The following MACROD2 variants were observed in gnomAD, a reference collection of about 807,000 sequenced individuals.
MACROD2 encodes the protein ADP-ribose glycohydrolase MACROD2.
A neutral mutation model predicts 70.4 loss-of-function variants in MACROD2; 36 were observed. The ratio of observed to expected loss-of-function variants is 0.51; its 90% CI spans 0.39 to 0.68. The LOEUF is 0.68. MACROD2 is among the 30% of genes least tolerant of loss of function. The pLI, the probability that MACROD2 is intolerant of heterozygous loss-of-function variation, is 0.00. For missense variants in MACROD2, 496 were observed against 538.4 expected (o/e 0.92, Z 0.78); for synonymous variants, 172 against 178.8 (o/e 0.96, Z 0.30).
chr20:14,455,338 T>C (rs2084289473), intron 3 of MACROD2, among the ~76,000 whole-genome samples: 1 of 151,932 alleles, frequency 6.6e-6, no homozygotes. Context: ...TCAATTCTTA[T>C]TTTATGTATT....
At chr20:14,859,414 A>G (rs1180335155) in intron 5 of MACROD2, among the ~76,000 whole-genome samples, 2 of 152,128 alleles carry the variant, frequency 1.3e-5, no homozygotes, top group African/African-American at 4.8e-5. Flanking sequence ...AGTGCTTAAA[A>G]CAGTGCCTGT....
intron 2 of MACROD2, among the ~76,000 whole-genome samples, chr20:14,035,237 A>G (rs1047788189): frequency 1.3e-5 from 2 of 152,178 alleles, no homozygotes; most frequent in African/African-American, 4.8e-5. Context: ...TCACCAGTAC[A>G]GTGTTAAACA....
intron 8 of MACROD2, among the ~76,000 whole-genome samples, chr20:15,572,766 T>C (rs1235521365): frequency 6.6e-6 from 1 of 152,112 alleles, no homozygotes; most frequent in Non-Finnish European, 1.5e-5. Context: ...ACTGCCAACT[T>C]ACTGAAATTG....
At chr20:15,802,875 A>G (rs2063738513) in intron 8 of MACROD2, among the ~76,000 whole-genome samples, 2 of 152,162 alleles carry the variant, frequency 1.3e-5, no homozygotes, top group Admixed American at 6.5e-5. Context: ...ATCATTAGAA[A>G]TTATTATGAA....
intron 6 of MACROD2, among the ~76,000 whole-genome samples, chr20:15,264,137 G>T (rs1328579862): frequency 2.0e-5 from 3 of 152,134 alleles, no homozygotes; most frequent in Non-Finnish European, 4.4e-5. Context: ...GGCCAATAAG[G>T]TTTCTATCAG....
At chr20:15,970,337 CAAT>C (rs2066211524) in intron 13 of MACROD2, among the ~76,000 whole-genome samples, 1 of 152,128 alleles carries the variant, frequency 6.6e-6, no homozygotes, top group Non-Finnish European at 1.5e-5. Context: ...TCAATACTGA[CAAT>C]GATGTCTTGT....
At chr20:14,305,052 G>A (rs2082508411) in intron 3 of MACROD2, among the ~76,000 whole-genome samples, 2 of 152,126 alleles carry the variant, frequency 1.3e-5, no homozygotes, top group Non-Finnish European at 2.9e-5. Flanking sequence ...CAGAATTTCT[G>A]AAGGGTGGGA....
chr20:15,627,859 C>T lies in MACROD2; in HGVS notation c.645+128012C>T, dbSNP rs569129917. ...AGCCTATTATCATGTAAACTATAAA[C>T]TAAAGTTAGCTTAGCCTAAGACCAG... On this transcript the variant is annotated intron_variant, in intron 8 of 17. Transcript: ENST00000684519. Among the ~76,000 whole-genome samples the T allele has an allele frequency of 1.8e-4, 28 of 152,204 alleles. 1 individual carries two copies. In the South Asian group the frequency reaches 3.9e-3, roughly 21 times the overall value.
chr20:14,420,433 C>A (rs992775427), intron 3 of MACROD2, among the ~76,000 whole-genome samples: 1 of 152,044 alleles, frequency 6.6e-6, no homozygotes, highest in African/African-American at 2.4e-5. Flanking sequence ...AAAGTGATAT[C>A]TAATTGAAAT....
At position 15,527,313 on chromosome 20, in the gene MACROD2, G is replaced by A. The variant is rs543325427; in HGVS notation, c.645+27466G>A. On this transcript the variant is annotated intron_variant, in intron 8 of 17. Transcript: ENST00000684519. ...TAATATTACTAAAGTTTAGTTAATG[G>A]TATTCAACTATCTGTTCTACTCAGC... 7.2e-5 allele frequency among the ~76,000 whole-genome samples: 11 copies of A among 152,186 alleles called. No homozygotes were observed. In the South Asian group the frequency reaches 1.5e-3, roughly 20 times the overall value.
At chr20:15,359,217 G>A (rs112537352) in intron 6 of MACROD2, among the ~76,000 whole-genome samples, 36 of 151,984 alleles carry the variant, frequency 2.4e-4, no homozygotes, top group African/African-American at 7.2e-4. Context: ...TTCCATAGTC[G>A]TTTCTTTATT....
intron 14 of MACROD2, 96 bp from the exon 15 acceptor site, chr20:15,986,970 A>T (rs980732438): frequency 8.0e-7 from 1 of 1,245,176 alleles, no homozygotes; most frequent in Middle Eastern, 1.9e-4. Context: ...TGAAGGGGGA[A>T]AAAAGAACTC....
intron 4 of MACROD2, among the ~76,000 whole-genome samples, chr20:14,526,587 CACTCTTAAGTTCA>C (rs2085235710): frequency 6.6e-6 from 1 of 152,188 alleles, no homozygotes; most frequent in Admixed American, 6.5e-5. Flanking sequence ...TTTCAGATTG[CACTCTTAAGTTCA>C]ACTCTTCACG....
At chr20:15,639,849 G>A (rs2049428128) in intron 8 of MACROD2, among the ~76,000 whole-genome samples, 1 of 151,974 alleles carries the variant, frequency 6.6e-6, no homozygotes, top group African/African-American at 2.4e-5. Context: ...AAGAGAAGGA[G>A]GAAGGGGAGA....
At chr20:15,811,086 TG>T (rs1419969866) in intron 8 of MACROD2, among the ~76,000 whole-genome samples, 4 of 151,710 alleles carry the variant, frequency 2.6e-5, no homozygotes, top group Non-Finnish European at 5.9e-5. Context: ...AATTGACAAA[TG>T]GGATCTAATT....
chr20:15,839,431 T>A (rs74407950), intron 8 of MACROD2, among the ~76,000 whole-genome samples: 1 of 152,158 alleles, frequency 6.6e-6, no homozygotes, highest in Non-Finnish European at 1.5e-5. Flanking sequence ...GTGACGGAAG[T>A]GAGGCTAAGT....
intron 9 of MACROD2, among the ~76,000 whole-genome samples, chr20:15,863,728 G>A (rs913977449): frequency 2.0e-5 from 3 of 152,158 alleles, no homozygotes; most frequent in African/African-American, 7.2e-5. Context: ...GGGTGCTGAT[G>A]CATATTCATC....
intron 6 of MACROD2, among the ~76,000 whole-genome samples, chr20:15,271,332 G>C (rs2077344305): frequency 6.6e-6 from 1 of 152,100 alleles, no homozygotes; most frequent in South Asian, 2.1e-4. Context: ...ATTCATAGAG[G>C]CTCCACTCTC....
At chr20:15,090,181 A>T (rs2075782514) in intron 5 of MACROD2, among the ~76,000 whole-genome samples, 1 of 140,554 alleles carries the variant, frequency 7.1e-6, no homozygotes, top group Non-Finnish European at 1.5e-5. Flanking sequence ...AGGACATATA[A>T]TATCACTTTG....
Sources: allele counts gnomAD v4.1 joint callset (sites outside exome capture counted in the v4.1 genomes callset), GRCh38; gene constraint gnomAD v4.1.1; transcripts MANE v1.5; gene names NCBI Gene and HGNC (gene_info 2026-07-23, HGNC 2026-07-21).